MNS1: variants seen among roughly 807,000 people sequenced by gnomAD.
The protein encoded by MNS1 is meiosis specific nuclear structural 1, also known as meiosis-specific nuclear structural protein 1.
Under a neutral mutation model 72.0 loss-of-function variants are expected in MNS1, and 63 were observed. The observed-to-expected ratio is 0.87, with a 90% CI of 0.71 to 1.08. The LOEUF is 1.08. Ranked by LOEUF, MNS1 falls within the 50% of genes least tolerant of loss-of-function variation. The pLI is 0.00. For synonymous variants in MNS1, 188 were observed against 172.1 expected (o/e 1.09, Z -0.72); for missense variants, 604 against 562.4 (o/e 1.07, Z -0.75).
At chr15:56,439,049 G>A (rs1422112201) in intron 7 of MNS1, among the ~76,000 whole-genome samples, 4 of 152,034 alleles carry the variant, frequency 2.6e-5, no homozygotes, top group African/African-American at 9.7e-5. Flanking sequence ...GCCTGACTAT[G>A]TAGGGAAAAA....
chr15:56,443,659 T>C lies in MNS1; in HGVS notation c.882A>G (p.Lys294=). 1 of 1,612,858 alleles carries C rather than the reference T, an allele frequency of 6.2e-7. No individual in the cohort carries two copies. The highest frequency in any genetic ancestry group is 8.5e-7 in the Non-Finnish European group (1 of 1,179,414). ...RMAKVQENEE[K]RLQLQNALTQ... ...ATACCGCATTCTGAAGCTGTAGCCT[T>C]TTCTCCTCATTTTCTTGAACTTTTG... Residue 294 remains lysine, a synonymous_variant, in exon 6 of 10, where the codon AAA becomes AAG. Coordinates refer to ENST00000260453, the MANE Select transcript of MNS1 (RefSeq NM_018365.4).
chr15:56,445,938 G>T (rs1027543387), intron 4 of MNS1: 1 of 152,016 alleles, frequency 6.6e-6, no homozygotes, highest in East Asian at 1.9e-4. Context: ...CTTAGCAAAT[G>T]AAGTCTCTCC....
At chr15:56,432,706 AGCTTTCTCC>A (rs1263124984) in intron 8 of MNS1, among the ~76,000 whole-genome samples, 1 of 152,154 alleles carries the variant, frequency 6.6e-6, no homozygotes, top group Admixed American at 6.5e-5. Flanking sequence ...CTTTTCCAGG[AGCTTTCTCC>A]TATCCAAGTA....
Position 56,446,920 on chromosome 15 carries a change from T to G in MNS1, c.377A>C (p.Lys126Thr). 1 of 1,608,862 alleles carries G rather than the reference T, an allele frequency of 6.2e-7. No homozygotes were observed. The change falls in exon 4 of 10, where the codon AAG (lysine) becomes ACG (threonine). Residue 126 changes from lysine to threonine, a missense_variant. Transcript: ENST00000260453. Reference protein sequence around the residue: ...ENSIELRELEKKLKAAYMNKE... With the variant: ...ENSIELRELETKLKAAYMNKE... Reference sequence around the variant, plus strand: ...ATTCATGTAAGCTGCTTTTAATTTCTTCTCCAATTCTCTAAGCTCAATGCT... The same window carrying G: ...ATTCATGTAAGCTGCTTTTAATTTCGTCTCCAATTCTCTAAGCTCAATGCT...
chr15:56,428,910 G>A lies in MNS1; in HGVS notation c.*191C>T. 1 of 525,130 alleles carries A rather than the reference G, an allele frequency of 1.9e-6. No individual in the cohort carries two copies. Among genetic ancestry groups the A allele is most frequent in the East Asian group, 3.4e-5 (1 of 29,788 alleles). The allele number at this position is 525,130 out of a possible 1,614,324, so 32.5% of individuals were successfully genotyped here. On this transcript the variant is annotated 3_prime_UTR_variant, in exon 10 of 10. Coordinates refer to ENST00000260453, the MANE Select transcript of MNS1 (RefSeq NM_018365.4). ...TAGAAATCGGATTTTGAAATTATCA[G>A]TACAAAAATAACAGCTTGATTAAAA...
chr15:56,448,776 C>T (rs2050926915), intron 3 of MNS1, among the ~76,000 whole-genome samples: 4 of 125,966 alleles, frequency 3.2e-5, no homozygotes, highest in East Asian at 2.3e-4. Context: ...TTTTTGGAGA[C>T]GGAGTCTCGC....
chr15:56,453,041 T>TAAA (rs1324767400), intron 3 of MNS1, among the ~76,000 whole-genome samples: 1 of 152,214 alleles, frequency 6.6e-6, no homozygotes, highest in African/African-American at 2.4e-5. Flanking sequence ...TAGTCAGTTA[T>TAAA]ATTTTCTTTT....
chr15:56,431,900 CAT>C (rs550793978), intron 8 of MNS1, among the ~76,000 whole-genome samples: 4 of 150,084 alleles, frequency 2.7e-5, no homozygotes, highest in Non-Finnish European at 3.0e-5. Flanking sequence ...AGGATATTTT[CAT>C]ATATATATAT....
chr15:56,452,399 G>A (rs1319637630), intron 3 of MNS1, among the ~76,000 whole-genome samples: 1 of 152,160 alleles, frequency 6.6e-6, no homozygotes, highest in East Asian at 1.9e-4. Context: ...AGAACTCAGT[G>A]CTCTGGGTTC....
At chr15:56,438,457 C>G (rs541319246) in intron 7 of MNS1, among the ~76,000 whole-genome samples, 3 of 152,218 alleles carry the variant, frequency 2.0e-5, no homozygotes, top group Non-Finnish European at 2.9e-5. Flanking sequence ...AAAGCTGAAA[C>G]TGGATCCCTT....
At chr15:56,452,814 G>A (rs1313804584) in intron 3 of MNS1, among the ~76,000 whole-genome samples, 3 of 151,964 alleles carry the variant, frequency 2.0e-5, no homozygotes, top group Admixed American at 6.6e-5. Context: ...CACCGCACCC[G>A]GCCTAATCCA....
chr15:56,442,723 C>G (rs1410249562), intron 7 of MNS1, among the ~76,000 whole-genome samples: 2 of 152,132 alleles, frequency 1.3e-5, no homozygotes, highest in Admixed American at 1.3e-4. Flanking sequence ...AAAACAGACA[C>G]TGGGGCCTAC....
chr15:56,461,943 C>T (rs1438275492), intron 2 of MNS1, among the ~76,000 whole-genome samples: 1 of 147,888 alleles, frequency 6.8e-6, no homozygotes, highest in Non-Finnish European at 1.5e-5. Flanking sequence ...AATAAATAAC[C>T]CTAGTCAATA....
chr15:56,450,587 A>AT lies in MNS1; in HGVS notation c.354-3645dup, dbSNP rs527975098. On this transcript the variant is annotated intron_variant, in intron 3 of 9. Transcript: ENST00000260453. The stretch of plus-strand genomic sequence containing the variant: ...ATATTTTAGCATGTATCAGTGCTTC[A>AT]TTTTTTTTTTATAACTGAAGGATAT... Among the ~76,000 whole-genome samples the AT allele has an allele frequency of 3.3e-3, 494 of 149,326 alleles. 3 individuals are homozygous for AT. Among genetic ancestry groups the AT allele is most frequent in the African/African-American group, 0.01 (413 of 40,850 alleles).
intron 9 of MNS1, chr15:56,429,548 G>A (rs1241759948): frequency 3.8e-5 from 6 of 158,158 alleles, no homozygotes; most frequent in South Asian, 1.9e-4. Context: ...TGATATAATG[G>A]TGAGCTTCAG....
chr15:56,429,319 A>C, intron 9 of MNS1, 126 bp from the exon 10 acceptor site: 1 of 622,982 alleles, frequency 1.6e-6, no homozygotes, highest in South Asian at 2.2e-5. Context: ...CAACAGATTA[A>C]TGAAACTTTA....
chr15:56,433,175 G>T (rs12910210), intron 8 of MNS1, among the ~76,000 whole-genome samples: 45,411 of 147,660 alleles, frequency 0.31, 7,658 homozygotes, highest in Middle Eastern at 0.48. Flanking sequence ...CTTTCCTTAG[G>T]ATGTCACCCA....
At position 56,464,998 on chromosome 15, in the gene MNS1, T is replaced by A; in HGVS notation, c.-26A>T. ...CTTGGCTGACGAAAAATACCCCCTC[T>A]CGTGGGACCGCGGCCACCACCTCCC... On this transcript the variant is annotated 5_prime_UTR_variant, in exon 1 of 10. Coordinates refer to ENST00000260453, the MANE Select transcript of MNS1 (RefSeq NM_018365.4). 1 of 1,607,654 alleles carries A rather than the reference T, an allele frequency of 6.2e-7. No homozygotes were observed.
intron 3 of MNS1, among the ~76,000 whole-genome samples, chr15:56,453,360 T>C (rs901848604): frequency 1.1e-4 from 16 of 152,194 alleles, no homozygotes; most frequent in Non-Finnish European, 2.4e-4. Flanking sequence ...TGCAGGATTA[T>C]TGGTGATCAA....
Sources: allele counts gnomAD v4.1 joint callset (sites outside exome capture counted in the v4.1 genomes callset), GRCh38; gene constraint gnomAD v4.1.1; transcripts MANE v1.5; gene names NCBI Gene and HGNC (gene_info 2026-07-23, HGNC 2026-07-21).